Variants in NAV2 observed in about 807,000 individuals in gnomAD.
NAV2 encodes the protein helicase, APC down-regulated 1.
A neutral mutation model predicts 223.2 loss-of-function variants in NAV2; 54 were observed. The ratio of observed to expected loss-of-function variants is 0.24; its 90% CI spans 0.19 to 0.30. NAV2 has a LOEUF of 0.30. Among genes scored for constraint, NAV2 ranks in the 10% least tolerant of loss-of-function variants. The pLI is 1.00. For synonymous variants in NAV2, 1,279 were observed against 1,239.3 expected (o/e 1.03, Z -0.67); for missense variants, 2,806 against 3,147.5 (o/e 0.89, Z 2.60).
At chr11:19,376,830 A>G (rs1848656656) in intron 1 of NAV2, among the ~76,000 whole-genome samples, 1 of 152,180 alleles carries the variant, frequency 6.6e-6, no homozygotes, top group African/African-American at 2.4e-5. Context: ...TCCTGGAGGA[A>G]GCAGTGCTGG....
chr11:19,822,712 C>G (rs1175550089), intron 1 of NAV2, among the ~76,000 whole-genome samples: 1 of 152,166 alleles, frequency 6.6e-6, no homozygotes, highest in African/African-American at 2.4e-5. Flanking sequence ...TTCCCCTCCC[C>G]CTGCTGCCTT....
Position 19,822,633 on chromosome 11 carries a change from CTTTG to C in NAV2, c.268-9846_268-9843del, listed in dbSNP as rs757029102. Among the ~76,000 whole-genome samples the C allele has an allele frequency of 8.5e-5, 13 of 152,230 alleles. 1 individual carries two copies. The South Asian group carries it at 2.7e-3, about 32-fold the overall frequency. On this transcript the variant is annotated intron_variant, in intron 1 of 37. Coordinates refer to ENST00000349880, the MANE Select transcript of NAV2 (RefSeq NM_145117.5). Reference sequence around the variant, plus strand: ...TAGGTGGGCAGGTATTAGGGTTTATCTTTGTTTGGTGGTTGTGCAGGCAAGTAGG... The same window carrying C: ...TAGGTGGGCAGGTATTAGGGTTTATCTTTGGTGGTTGTGCAGGCAAGTAGG...
chr11:19,346,078 T>C (rs535900140), upstream of NAV2, among the ~76,000 whole-genome samples: 94 of 152,094 alleles, frequency 6.2e-4, no homozygotes, highest in Non-Finnish European at 1.3e-3. Flanking sequence ...TATGAGCGCG[T>C]GTGTTTTCTG....
chr11:19,494,205 C>A (rs1314932797), intron 1 of NAV2, among the ~76,000 whole-genome samples: 1 of 152,210 alleles, frequency 6.6e-6, no homozygotes, highest in Admixed American at 6.5e-5. Flanking sequence ...TGGATTGAGC[C>A]AGTTAGGTCA....
At chr11:19,756,542 C>T (rs1004952776) in intron 1 of NAV2, among the ~76,000 whole-genome samples, 2 of 152,158 alleles carry the variant, frequency 1.3e-5, no homozygotes, top group Non-Finnish European at 2.9e-5. Flanking sequence ...TGATTGGCTC[C>T]GTGTTCTTTC....
chr11:19,872,719 G>A (rs998209297), intron 4 of NAV2, among the ~76,000 whole-genome samples: 4 of 152,164 alleles, frequency 2.6e-5, no homozygotes, highest in African/African-American at 4.8e-5. Context: ...GGCCTGCCCC[G>A]ACCCGCCTGC....
chr11:19,431,451 AG>A (rs1404972390), intron 1 of NAV2, among the ~76,000 whole-genome samples: 1 of 152,214 alleles, frequency 6.6e-6, no homozygotes, highest in African/African-American at 2.4e-5. Context: ...AGCCACAAAA[AG>A]ACCCTGCCTC....
At chr11:19,822,367 A>C (rs1283278947) in intron 1 of NAV2, among the ~76,000 whole-genome samples, 2 of 152,238 alleles carry the variant, frequency 1.3e-5, no homozygotes, top group Admixed American at 1.3e-4. Context: ...GGTAGTTACT[A>C]TCCTACATAA....
At chr11:19,641,652 C>G (rs921623456) in intron 1 of NAV2, among the ~76,000 whole-genome samples, 2 of 151,792 alleles carry the variant, frequency 1.3e-5, no homozygotes, top group South Asian at 2.1e-4. Context: ...CACCTTCCGG[C>G]GTTTGCACTG....
chr11:19,920,236 C>T (rs1260535523), intron 6 of NAV2, among the ~76,000 whole-genome samples: 1 of 152,160 alleles, frequency 6.6e-6, no homozygotes, highest in Non-Finnish European at 1.5e-5. Flanking sequence ...GCAGTAAATC[C>T]ACTGTATAAG....
intron 31 of NAV2, 44 bp downstream of exon 31, chr11:20,097,789 G>C (rs1466278394): frequency 1.3e-6 from 2 of 1,516,104 alleles, no homozygotes; most frequent in East Asian, 4.7e-5. Context: ...AGGAATTGCA[G>C]TGTTTGTTTT....
chr11:19,845,119 G>T (rs542783910), intron 3 of NAV2, among the ~76,000 whole-genome samples: 1 of 152,230 alleles, frequency 6.6e-6, no homozygotes, highest in East Asian at 1.9e-4. Context: ...AAGTTCTTTC[G>T]ATAGACAGGC....
chr11:19,650,909 T>C (rs2047952069), intron 1 of NAV2, among the ~76,000 whole-genome samples: 1 of 152,218 alleles, frequency 6.6e-6, no homozygotes, highest in Non-Finnish European at 1.5e-5. Flanking sequence ...AGTAGAGCTT[T>C]TGGGGTGATA....
chr11:19,574,092 C>G (rs1204044218), intron 1 of NAV2, among the ~76,000 whole-genome samples: 1 of 152,164 alleles, frequency 6.6e-6, no homozygotes, highest in Non-Finnish European at 1.5e-5. Context: ...GGATGTTGGA[C>G]AAGAGTTGGA....
chr11:19,619,722 C>T lies in NAV2; in HGVS notation c.76-212762C>T, dbSNP rs1227783404. 2.6e-5 allele frequency among the ~76,000 whole-genome samples: 4 copies of T among 152,328 alleles called. No homozygotes were observed. The East Asian group carries it at 5.8e-4, about 22-fold the overall frequency. On this transcript the variant is annotated intron_variant, in intron 1 of 37. Transcript: ENST00000360655. Reference sequence around the variant, plus strand: ...CCATTCTGTAGGTTGCCTGTTCACTCTGATGGTAGTTTCTTTTGCTGTGCA... The same window carrying T: ...CCATTCTGTAGGTTGCCTGTTCACTTTGATGGTAGTTTCTTTTGCTGTGCA...
intron 1 of NAV2, among the ~76,000 whole-genome samples, chr11:19,732,441 A>T (rs1327627616): frequency 6.6e-6 from 1 of 152,226 alleles, no homozygotes; most frequent in African/African-American, 2.4e-5. Flanking sequence ...TAAAGTGCTT[A>T]GCATGGAGTC....
intron 11 of NAV2, among the ~76,000 whole-genome samples, chr11:20,001,437 G>A (rs997846130): frequency 1.2e-4 from 18 of 151,900 alleles, no homozygotes; most frequent in African/African-American, 4.4e-4. Context: ...CCACATAGTC[G>A]GTGCTCATTC....
chr11:19,906,809 C>G (rs899186920), intron 6 of NAV2, among the ~76,000 whole-genome samples: 1 of 152,156 alleles, frequency 6.6e-6, no homozygotes, highest in African/African-American at 2.4e-5. Flanking sequence ...TAGAACTCCG[C>G]AAAACAGGTC....
chr11:20,006,268 A>G lies in NAV2; in HGVS notation c.2768+22021A>G, dbSNP rs564464361. Reference sequence around the variant, plus strand: ...AGACTGGGTATTGTATTCTGGAGATAAGGGCCTCCTTGGAAAGCCAGGTTC... The same window carrying G: ...AGACTGGGTATTGTATTCTGGAGATGAGGGCCTCCTTGGAAAGCCAGGTTC... On this transcript the variant is annotated intron_variant, in intron 11 of 37. Transcript: ENST00000349880. 7.2e-5 allele frequency among the ~76,000 whole-genome samples: 11 copies of G among 152,272 alleles called. No homozygotes were observed. The South Asian group carries it at 2.3e-3, about 32-fold the overall frequency.
Sources: gnomAD v4.1 joint callset for allele counts (sites outside exome capture counted in the v4.1 genomes callset) on GRCh38, gnomAD v4.1.1 for gene constraint, MANE v1.5 for transcripts, NCBI Gene and HGNC (gene_info 2026-07-23, HGNC 2026-07-21) for gene names.